ARHGEF18: variants seen among roughly 807,000 people sequenced by gnomAD.
The protein encoded by ARHGEF18 is rho guanine nucleotide exchange factor 18.
A neutral mutation model predicts 155.7 loss-of-function variants in ARHGEF18; 93 were observed. The observed-to-expected ratio is 0.60, with a 90% CI of 0.50 to 0.71. The LOEUF (loss-of-function observed/expected upper bound fraction) is 0.71, where lower values mean the gene tolerates loss of function less well. Among genes scored for constraint, ARHGEF18 ranks in the 30% least tolerant of loss-of-function variants. The probability of loss-of-function intolerance (pLI) is 0.00; values close to 1 mark genes in which losing one functional copy is unlikely to be tolerated. For synonymous variants in ARHGEF18, 742 were observed against 753.1 expected (o/e 0.99, Z 0.24); for missense variants, 1,593 against 1,816.1 (o/e 0.88, Z 2.23).
intron 10 of ARHGEF18, among the ~76,000 whole-genome samples, chr19:7,389,986 G>A (rs1971305925): frequency 6.6e-6 from 1 of 152,104 alleles, no homozygotes; most frequent in African/African-American, 2.4e-5. Flanking sequence ...AGGATCCCTT[G>A]AGTTCAGGAG....
chr19:7,358,180 TCCA>T (rs2145324467), intron 1 of ARHGEF18, among the ~76,000 whole-genome samples: 1 of 148,610 alleles, frequency 6.7e-6, no homozygotes, highest in Non-Finnish European at 1.5e-5. Context: ...CATCCATCCA[TCCA>T]TCCAATCAGC....
chr19:7,457,083 A>G (rs1975882904), intron 18 of ARHGEF18, among the ~76,000 whole-genome samples: 1 of 152,108 alleles, frequency 6.6e-6, no homozygotes, highest in Non-Finnish European at 1.5e-5. Context: ...GCTGCTGTAA[A>G]CAAAGTACCA....
chr19:7,448,051 A>C (rs1975109398), intron 15 of ARHGEF18, among the ~76,000 whole-genome samples: 1 of 152,224 alleles, frequency 6.6e-6, no homozygotes. Flanking sequence ...TTACCAGGCC[A>C]CGGTGGCCCC....
intron 20 of ARHGEF18, among the ~76,000 whole-genome samples, chr19:7,460,514 C>G (rs1309996172): frequency 6.6e-6 from 1 of 152,144 alleles, no homozygotes; most frequent in Non-Finnish European, 1.5e-5. Flanking sequence ...CCCACCACCC[C>G]AGAAAGAAGC....
intron 10 of ARHGEF18, among the ~76,000 whole-genome samples, chr19:7,397,059 G>C (rs1466628245): frequency 3.1e-5 from 4 of 127,668 alleles, no homozygotes; most frequent in Non-Finnish European, 6.3e-5. Flanking sequence ...CGCTTTATCA[G>C]TAGTTTCCTA....
At position 7,383,188 on chromosome 19, in the gene ARHGEF18, C is replaced by T; in HGVS notation, c.952C>T (p.Pro318Ser). ...CTCCAGCTGCCCCCTGTGTGGCAAA[C>T]CTTTCTTGAGCTCAGGTAAGTCTGG... ...GPSSCPLCGKPFLSSASLKEH... is the reference protein window; with the variant it reads ...GPSSCPLCGKSFLSSASLKEH... The change falls in exon 10 of 29, where the codon CCT becomes TCT. Residue 318 changes from proline (P) to serine (S), a missense_variant. By Grantham distance (74) the Pro-to-Ser change is moderately conservative. Transcript: ENST00000668164. 1 of 1,232,334 alleles carries T rather than the reference C, an allele frequency of 8.1e-7. No homozygotes were observed. Among genetic ancestry groups the T allele is most frequent in the Non-Finnish European group, 1.0e-6 (1 of 988,110 alleles). The allele number at this position is 1,232,334 out of a possible 1,614,324, so 76.3% of individuals were successfully genotyped here.
chr19:7,433,911 C>T (rs1378501121), intron 10 of ARHGEF18, among the ~76,000 whole-genome samples: 5 of 150,968 alleles, frequency 3.3e-5, no homozygotes, highest in African/African-American at 9.7e-5. Context: ...TCCAGCTACT[C>T]GAGGGGCTGA....
downstream of ARHGEF18, among the ~76,000 whole-genome samples, chr19:7,475,090 A>G (rs936127487): frequency 4.6e-5 from 7 of 152,188 alleles, no homozygotes; most frequent in Admixed American, 4.6e-4. Flanking sequence ...AAAATTAGCC[A>G]GGCATGCTTG....
Position 7,439,087 on chromosome 19 carries a change from C to G in ARHGEF18, c.968-1257C>G, listed in dbSNP as rs143816044. Among the ~76,000 whole-genome samples the G allele has an allele frequency of 2.1e-4, 32 of 151,702 alleles. No individual in the cohort carries two copies. The East Asian group carries it at 6.1e-3, about 29-fold the overall frequency. On this transcript the variant is annotated intron_variant, in intron 10 of 28. Coordinates refer to ENST00000668164, the MANE Select transcript of ARHGEF18 (RefSeq NM_001367823.1). The stretch of plus-strand genomic sequence containing the variant: ...TTTTTTTAAGTAGAGACGGGGGTTT[C>G]CTGGCCAGGCTGGTCTTGAACTCCT...
In ARHGEF18 at chr19:7,444,147, T is replaced by A. The variant is rs1418248710; in HGVS notation, c.1361-57T>A. 2 of 1,590,474 alleles carry A rather than the reference T, an allele frequency of 1.3e-6. No individual in the cohort carries two copies. Among genetic ancestry groups the A allele is most frequent in the Non-Finnish European group, 1.7e-6 (2 of 1,165,468 alleles). On this transcript the variant is annotated intron_variant, in intron 13 of 28. Coordinates refer to ENST00000668164, the MANE Select transcript of ARHGEF18 (RefSeq NM_001367823.1). This position sits in a 1 kb window ranked among gnomAD's most constrained non-coding sequence, Gnocchi z 4.7. ...GTGAAGGGCAGGCAGCACCCACGAC[T>A]GCCCAGCGGGGCCGTGGAGCCAGCA...
intron 7 of ARHGEF18, 137 bp from the exon 8 acceptor site, chr19:7,380,780 T>C: frequency 2.3e-6 from 1 of 437,504 alleles, no homozygotes; most frequent in Non-Finnish European, 3.8e-6. Context: ...TAATGTCTCA[T>C]ATACAAGCCC....
chr19:7,476,315 T>C (rs760767093), downstream of ARHGEF18, among the ~76,000 whole-genome samples: 5 of 151,848 alleles, frequency 3.3e-5, no homozygotes, highest in Non-Finnish European at 5.9e-5. Context: ...GTCAAAAAGA[T>C]AAAAATCAAG....
At chr19:7,455,495 T>C (rs934475757) in intron 17 of ARHGEF18, among the ~76,000 whole-genome samples, 4 of 152,080 alleles carry the variant, frequency 2.6e-5, no homozygotes, top group South Asian at 2.1e-4. Flanking sequence ...GAGAGGTTCA[T>C]ACAGGGACAA....
chr19:7,402,548 T>C (rs1972071706), intron 10 of ARHGEF18, among the ~76,000 whole-genome samples: 2 of 152,108 alleles, frequency 1.3e-5, no homozygotes, highest in South Asian at 4.1e-4. Context: ...TCTATCTCAA[T>C]AAAGCAGTTA....
At chr19:7,388,388 C>A (rs536753981) in intron 10 of ARHGEF18, among the ~76,000 whole-genome samples, 1 of 151,808 alleles carries the variant, frequency 6.6e-6, no homozygotes, top group East Asian at 1.9e-4. Flanking sequence ...ACTACTGAGC[C>A]CGGTCTGTAA....
chr19:7,475,546 CCACA>C (rs529925732), downstream of ARHGEF18, among the ~76,000 whole-genome samples: 1,163 of 136,974 alleles, frequency 8.5e-3, 9 homozygotes, highest in Non-Finnish European at 0.014. Context: ...ACACACACAA[CCACA>C]CACACACACA....
In ARHGEF18 at chr19:7,452,239, G is replaced by A. The variant is rs1975526926; in HGVS notation, c.1855+973G>A. ...AGATGGCCTCTGTGTCACATGACCA[G>A]GGCTGAGCAAGGGATGTGTCTGGAG... On this transcript the variant is annotated intron_variant, in intron 16 of 28. Transcript: ENST00000668164. 2.0e-5 allele frequency among the ~76,000 whole-genome samples: 3 copies of A among 152,338 alleles called. No individual in the cohort carries two copies. In the South Asian group the frequency reaches 6.2e-4, roughly 32 times the overall value.
intron 10 of ARHGEF18, among the ~76,000 whole-genome samples, chr19:7,403,742 G>T (rs1328046290): frequency 6.6e-6 from 1 of 151,500 alleles, no homozygotes; most frequent in African/African-American, 2.4e-5. Flanking sequence ...TCGCCGTGTT[G>T]CCCAGGCTGG....
intron 10 of ARHGEF18, among the ~76,000 whole-genome samples, chr19:7,391,867 TG>T (rs1172309512): frequency 1.3e-5 from 2 of 150,796 alleles, no homozygotes; most frequent in East Asian, 3.9e-4. Flanking sequence ...TTGTCGAAAG[TG>T]CCAAGCTGAG....
Sources: gnomAD v4.1 joint callset for allele counts (sites outside exome capture counted in the v4.1 genomes callset) on GRCh38, gnomAD v4.1.1 for gene constraint, Gnocchi (gnomAD v3.1) non-coding constraint, MANE v1.5 for transcripts, NCBI Gene and HGNC (gene_info 2026-07-23, HGNC 2026-07-21) for gene names.